HECTD4: variants seen among roughly 807,000 people sequenced by gnomAD.
The protein encoded by HECTD4 is HECT domain E3 ubiquitin protein ligase 4, also known as probable E3 ubiquitin-protein ligase HECTD4.
In HECTD4, 114 loss-of-function variants were observed where a neutral mutation model predicts 471.5. That is an observed-to-expected ratio of 0.24 (90% CI 0.21 to 0.28). The LOEUF (loss-of-function observed/expected upper bound fraction) is 0.28. HECTD4 is among the 10% of genes least tolerant of loss of function. The pLI, the probability that HECTD4 is intolerant of heterozygous loss-of-function variation, is 1.00. For synonymous variants in HECTD4, 2,012 were observed against 2,256.0 expected (o/e 0.89, Z 3.07); for missense variants, 3,866 against 5,651.5 (o/e 0.68, Z 10.13).
chr12:112,227,560 T>C (rs993753937), intron 43 of HECTD4, among the ~76,000 whole-genome samples: 1 of 152,244 alleles, frequency 6.6e-6, no homozygotes, highest in African/African-American at 2.4e-5. Context: ...AACCCCTGTG[T>C]GCATGTCCTA....
At chr12:112,231,488 C>G in intron 39 of HECTD4, 25 bp downstream of exon 39, 1 of 1,604,368 alleles carries the variant, frequency 6.2e-7, no homozygotes, top group Non-Finnish European at 8.5e-7. Flanking sequence ...TGAGTGTGGA[C>G]AGCTCCTACC....
In HECTD4 at chr12:112,163,553, C is replaced by A; in HGVS notation, c.12886G>T (p.Glu4296Ter). 1 of 1,471,238 alleles carries A rather than the reference C, an allele frequency of 6.8e-7. No individual in the cohort carries two copies. Among genetic ancestry groups the A allele is most frequent in the Non-Finnish European group, 9.0e-7 (1 of 1,108,776 alleles). The allele number at this position is 1,471,238 out of a possible 1,614,324, so 91.1% of individuals were successfully genotyped here. Residue 4296 changes from glutamate (E) to a stop codon, truncating the protein, a stop_gained, in exon 74 of 76, where the codon GAG becomes TAG. Coordinates refer to ENST00000682272, the MANE Select transcript of HECTD4 (RefSeq NM_001388303.1). LOFTEE classifies it high-confidence loss of function. This position sits in a 1 kb window ranked among gnomAD's most constrained non-coding sequence, Gnocchi z 8.2. ...RTCGLPYINLEFLKAHTMYQV... is the reference protein window; with the variant it reads ...RTCGLPYINL ...CCTGGGATGTCTACCTTGAGGAACTCGAGGTTGATGTAGGGGAGGCCGCAG... is the reference window on the plus strand; with the variant it reads ...CCTGGGATGTCTACCTTGAGGAACTAGAGGTTGATGTAGGGGAGGCCGCAG...
chr12:112,378,282 G>A (rs1041402482), intron 1 of HECTD4, among the ~76,000 whole-genome samples: 2 of 151,940 alleles, frequency 1.3e-5, no homozygotes, highest in African/African-American at 4.8e-5. Context: ...GCAGTGACGC[G>A]ATCTCAGCTC....
intron 68 of HECTD4, 95 bp downstream of exon 68, chr12:112,171,022 G>C: frequency 9.3e-7 from 1 of 1,080,120 alleles, no homozygotes; most frequent in South Asian, 1.7e-5. Context: ...CTTCCTGGCG[G>C]GGCTGCCCAA....
intron 1 of HECTD4, among the ~76,000 whole-genome samples, chr12:112,347,035 T>C (rs2135732620): frequency 6.6e-6 from 1 of 152,304 alleles, no homozygotes; most frequent in East Asian, 1.9e-4. Context: ...GTGGGTTGAA[T>C]CTGGCCTTCT....
chr12:112,287,755 TAAAAAAAAG>T (rs2034786338), intron 7 of HECTD4, among the ~76,000 whole-genome samples: 1 of 151,282 alleles, frequency 6.6e-6, no homozygotes, highest in African/African-American at 2.4e-5. Context: ...CCCCACTCTC[TAAAAAAAAG>T]AAAAAAAGAG....
intron 1 of HECTD4, among the ~76,000 whole-genome samples, chr12:112,366,122 T>C (rs2036553094): frequency 1.3e-5 from 2 of 152,224 alleles, no homozygotes; most frequent in Admixed American, 6.5e-5. Flanking sequence ...ACTAACAAAA[T>C]TTTATTAAAT....
intron 1 of HECTD4, among the ~76,000 whole-genome samples, chr12:112,366,332 A>G (rs2036556996): frequency 6.6e-6 from 1 of 151,530 alleles, no homozygotes; most frequent in Non-Finnish European, 1.5e-5. Context: ...ACGTAGTGAG[A>G]CCCCCATGTC....
At chr12:112,371,391 C>T (rs973595941) in intron 1 of HECTD4, among the ~76,000 whole-genome samples, 1 of 151,960 alleles carries the variant, frequency 6.6e-6, no homozygotes, top group Non-Finnish European at 1.5e-5. Flanking sequence ...GCCTGACCAA[C>T]GTAGTGAAAC....
At chr12:112,212,412 C>T in intron 49 of HECTD4, 75 bp downstream of exon 49, 1 of 1,264,126 alleles carries the variant, frequency 7.9e-7, no homozygotes, top group Non-Finnish European at 1.1e-6. Flanking sequence ...CGTTTGCTCC[C>T]TTTCATTTTT....
chr12:112,331,795 A>T (rs11609666), intron 1 of HECTD4, among the ~76,000 whole-genome samples: 12,749 of 152,246 alleles, frequency 0.084, 731 homozygotes, highest in Non-Finnish European at 0.12. Flanking sequence ...TTGAGCCAAC[A>T]CTGTTTTCAA....
intron 7 of HECTD4, among the ~76,000 whole-genome samples, chr12:112,297,105 T>G (rs1485101398): frequency 6.7e-6 from 1 of 149,582 alleles, no homozygotes; most frequent in Non-Finnish European, 1.5e-5. Context: ...GCAGAGGGTG[T>G]AGGTGCTGTG....
At chr12:112,230,021 G>T (rs755082573) in intron 40 of HECTD4, 141 bp from the exon 41 acceptor site, 84 of 695,894 alleles carry the variant, frequency 1.2e-4, no homozygotes, top group Non-Finnish European at 1.8e-4. Flanking sequence ...AAACTATCAG[G>T]TATGGCCAAT....
intron 64 of HECTD4, among the ~76,000 whole-genome samples, chr12:112,178,089 T>C (rs1403445476): frequency 1.3e-5 from 2 of 152,242 alleles, no homozygotes; most frequent in African/African-American, 4.8e-5. Flanking sequence ...TTTCTTTTTT[T>C]TGAGATAGGG....
chr12:112,192,951 C>T, intron 58 of HECTD4, 110 bp downstream of exon 58: 2 of 1,357,584 alleles, frequency 1.5e-6, no homozygotes, highest in East Asian at 2.3e-5. Flanking sequence ...AATTGTAAGT[C>T]ATTTGCATTA....
intron 7 of HECTD4, among the ~76,000 whole-genome samples, chr12:112,291,598 C>T (rs964691248): frequency 5.3e-5 from 8 of 151,886 alleles, no homozygotes; most frequent in Admixed American, 3.3e-4. Context: ...AAGAGCCAGG[C>T]GCAGTGGCTC....
chr12:112,266,817 C>A, intron 14 of HECTD4, 95 bp downstream of exon 14: 1 of 722,738 alleles, frequency 1.4e-6, no homozygotes, highest in East Asian at 2.7e-5. Context: ...GACTAACATA[C>A]ATGAAGAAGT....
At chr12:112,252,902 C>A (rs1229260211) in intron 22 of HECTD4, among the ~76,000 whole-genome samples, 1 of 151,974 alleles carries the variant, frequency 6.6e-6, no homozygotes, top group Non-Finnish European at 1.5e-5. Context: ...CTCAATCTCC[C>A]AGGCTCAAGC....
intron 7 of HECTD4, among the ~76,000 whole-genome samples, chr12:112,290,425 A>G (rs929650098): frequency 4.0e-5 from 6 of 149,444 alleles, no homozygotes; most frequent in Admixed American, 3.3e-4. Flanking sequence ...TGAGGGAGGC[A>G]GACGTGAGAA....
Sources: allele counts gnomAD v4.1 joint callset (sites outside exome capture counted in the v4.1 genomes callset), GRCh38; gene constraint gnomAD v4.1.1; non-coding constraint Gnocchi (gnomAD v3.1); transcripts MANE v1.5; gene names NCBI Gene and HGNC (gene_info 2026-07-23, HGNC 2026-07-21).